Variants in SLFN11 observed in about 807,000 individuals in gnomAD.
SLFN11 encodes schlafen family member 11.
In SLFN11, 43 loss-of-function variants were observed where a neutral mutation model predicts 53.4. That is an observed-to-expected ratio of 0.80 (90% CI 0.63 to 1.04). The LOEUF is 1.04. Among genes scored for constraint, SLFN11 ranks in the 50% least tolerant of loss-of-function variants. SLFN11 has a pLI of 0.00. For missense variants in SLFN11, 990 were observed against 1,079.1 expected, an observed-to-expected ratio of 0.92 and a Z score of 1.16; for synonymous variants, 389 against 394.7, an observed-to-expected ratio of 0.99 and a Z score of 0.17.
rs1386611023 is a variant in SLFN11, at chr17:35,352,320, TA to T, written c.*35del. The T allele has an allele frequency of 6.2e-7, 1 of 1,605,504 alleles. No individual in the cohort carries two copies. Among genetic ancestry groups the T allele is most frequent in the African/African-American group, 1.3e-5 (1 of 74,872 alleles). On this transcript the variant is annotated 3_prime_UTR_variant, in exon 7 of 7. Coordinates refer to ENST00000685675, the MANE Select transcript of SLFN11 (RefSeq NM_001376007.1). Reference sequence around the variant, plus strand: ...TCTACCATCAGCAGACTGTCACCCATAGACATTTACATAGCATTTTGATTTG... The same window carrying T: ...TCTACCATCAGCAGACTGTCACCCATGACATTTACATAGCATTTTGATTTG...
At chr17:35,357,250 C>A (rs1203768211) in intron 5 of SLFN11, among the ~76,000 whole-genome samples, 1 of 150,990 alleles carries the variant, frequency 6.6e-6, no homozygotes, top group Non-Finnish European at 1.5e-5. Context: ...ATACGGGTTG[C>A]AAATATTTTT....
rs954791823 is a variant in SLFN11 at position 35,351,158 on chromosome 17, C to G, written c.*1198G>C. 11 of 152,226 alleles carry G rather than the reference C, an allele frequency of 7.2e-5. No homozygotes were observed. Among genetic ancestry groups the G allele is most frequent in the African/African-American group, 2.4e-4 (10 of 41,450 alleles). The allele number at this position is 152,226 out of a possible 1,614,324, so 9.4% of individuals were successfully genotyped here. A position where few individuals can be genotyped will look rare whatever the true frequency, so the allele number is the denominator to read the frequency against. The stretch of plus-strand genomic sequence containing the variant: ...CGAGAGTTTGATTGTGAGGCTTCTC[C>G]TCTTGGCTTGTAGGTGGCTGCCATC... On this transcript the variant is annotated 3_prime_UTR_variant, in exon 7 of 7. Transcript: ENST00000685675.
At chr17:35,357,122 G>A (rs1035280949) in intron 5 of SLFN11, among the ~76,000 whole-genome samples, 26 of 146,842 alleles carry the variant, frequency 1.8e-4, no homozygotes, top group Non-Finnish European at 2.5e-4. Flanking sequence ...TGGACTATCC[G>A]TGTTGATTTT....
At chr17:35,373,427 C>CA (rs930166501) in intron 1 of SLFN11, 47 bp downstream of exon 1, 2 of 151,888 alleles carry the variant, frequency 1.3e-5, no homozygotes, top group Non-Finnish European at 2.9e-5. Context: ...CCACACCCCA[C>CA]ACCCTGGCTG....
At chr17:35,366,124 G>A (rs34996724) in intron 3 of SLFN11, among the ~76,000 whole-genome samples, 47,777 of 151,960 alleles carry the variant, frequency 0.31, 8,869 homozygotes, top group East Asian at 0.42. Context: ...AAAGGTAGTC[G>A]GGGGAAAGGG....
At chr17:35,369,148 A>G (rs1246051765) in intron 1 of SLFN11, among the ~76,000 whole-genome samples, 2 of 152,052 alleles carry the variant, frequency 1.3e-5, no homozygotes, top group Non-Finnish European at 2.9e-5. Flanking sequence ...CACCGTAGGT[A>G]CCAGCTTAGC....
chr17:35,353,067 G>A lies in SLFN11; in HGVS notation c.1995C>T (p.Ile665=), dbSNP rs776716390. The A allele has an allele frequency of 3.1e-6, 5 of 1,614,158 alleles. No individual in the cohort carries two copies. Among genetic ancestry groups the A allele is most frequent in the Non-Finnish European group, 1.7e-6 (2 of 1,180,042 alleles). ...GGAAATTCTGAGCTTCGTCAATGACGATGTGTTGAATGTGTTCAAAGTTTT... is the reference window on the plus strand; with the variant it reads ...GGAAATTCTGAGCTTCGTCAATGACAATGTGTTGAATGTGTTCAAAGTTTT... ...LRENFEHIQH[I]VIDEAQNFRT... is the part of the protein sequence containing the mutation. Residue 665 remains isoleucine, a synonymous_variant, in exon 7 of 7, where the codon ATC becomes ATT. Coordinates refer to ENST00000685675, the MANE Select transcript of SLFN11 (RefSeq NM_001376007.1).
chr17:35,371,992 A>G (rs558899114), intron 1 of SLFN11, among the ~76,000 whole-genome samples: 8 of 152,164 alleles, frequency 5.3e-5, no homozygotes, highest in Non-Finnish European at 1.0e-4. Flanking sequence ...AAGAAAGGAA[A>G]TCAGTATATC....
chr17:35,358,025 T>A (rs907796784), intron 5 of SLFN11, among the ~76,000 whole-genome samples: 1 of 149,390 alleles, frequency 6.7e-6, no homozygotes, highest in Non-Finnish European at 1.5e-5. Flanking sequence ...ATTTAAATAA[T>A]CTCTTTTTAA....
rs114068739 is a variant in SLFN11, at chr17:35,354,210, G to A, written c.1199-151C>T. Reference sequence around the variant, plus strand: ...AATATTATTATATTATAGTTATAAAGGAAAAGAACCCTTGGAATATCTGGT... The same window carrying A: ...AATATTATTATATTATAGTTATAAAAGAAAAGAACCCTTGGAATATCTGGT... On this transcript the variant is annotated intron_variant, in intron 5 of 6. Coordinates refer to ENST00000685675, the MANE Select transcript of SLFN11 (RefSeq NM_001376007.1). 1,681 of 602,880 alleles carry A rather than the reference G, an allele frequency of 2.8e-3. 33 individuals carry two copies. In the African/African-American group the frequency reaches 0.029, roughly 10 times the overall value. 37.3% of individuals were successfully genotyped at this position (602,880 alleles called of 1,614,324 possible).
rs1906749754 is a variant in SLFN11 at position 35,352,115 on chromosome 17, T to C, written c.*241A>G. 1.7e-6 allele frequency: 1 copy of C among 578,348 alleles called. No individual in the cohort carries two copies. Among genetic ancestry groups the C allele is most frequent in the Non-Finnish European group, 3.1e-6 (1 of 327,214 alleles). 35.8% of individuals were successfully genotyped at this position (578,348 alleles called of 1,614,324 possible). Reference sequence around the variant, plus strand: ...CGGCATTGTGCAGGACAGCTAAAGTTCCTTTAGAAAACCACCATCTTTCTG... The same window carrying C: ...CGGCATTGTGCAGGACAGCTAAAGTCCCTTTAGAAAACCACCATCTTTCTG... On this transcript the variant is annotated 3_prime_UTR_variant, in exon 7 of 7. Coordinates refer to ENST00000685675, the MANE Select transcript of SLFN11 (RefSeq NM_001376007.1).
Position 35,363,783 on chromosome 17 carries a change from C to A in SLFN11, c.25G>T (p.Val9Phe), listed in dbSNP as rs1908589753. 2 of 1,584,548 alleles carry A rather than the reference C, an allele frequency of 1.3e-6. No individual in the cohort carries two copies. Among genetic ancestry groups the A allele is most frequent in the Non-Finnish European group, 1.7e-6 (2 of 1,168,748 alleles). Reference sequence around the variant, plus strand: ...AGGTCTGGGTAAGATGGTTCCACAACCAGGGGGCACTGATTTGCCTCCATG... The same window carrying A: ...AGGTCTGGGTAAGATGGTTCCACAAACAGGGGGCACTGATTTGCCTCCATG... MEANQCPL[V>F]VEPSYPDLVI... The change falls in exon 4 of 7, where the codon GTT (valine) becomes TTT (phenylalanine). Residue 9 changes from valine to phenylalanine, a missense_variant. By Grantham distance (50) the Val-to-Phe change is conservative (BLOSUM62 -1). This residue lies in a region of SLFN11 where 521 missense variants were observed against 516.2 expected (regional missense o/e 1.01). Coordinates refer to ENST00000685675, the MANE Select transcript of SLFN11 (RefSeq NM_001376007.1).
chr17:35,353,009 T>C lies in SLFN11; in HGVS notation c.2053A>G (p.Lys685Glu), dbSNP rs1906939841. The change falls in exon 7 of 7, where the codon AAA becomes GAA. Residue 685 changes from lysine (K) to glutamate (E), a missense_variant. By Grantham distance (56) the Lys-to-Glu change is moderately conservative. Transcript: ENST00000685675. ...CCCTTTGCTCTCCGAGTGATGCTTT[T>C]TGCCTTCCCATACCAGTCCCCATCT... ...TEDGDWYGKA[K>E]SITRRAKGGP... 6.2e-7 allele frequency: 1 copy of C among 1,614,058 alleles called. No homozygotes were observed. The highest frequency in any genetic ancestry group is 1.3e-5 in the African/African-American group (1 of 74,916).
chr17:35,354,749 T>C (rs1182895982), intron 5 of SLFN11, among the ~76,000 whole-genome samples: 2 of 152,158 alleles, frequency 1.3e-5, no homozygotes, highest in Non-Finnish European at 2.9e-5. Flanking sequence ...TGGAGGATTA[T>C]GAACTTATTT....
At position 35,351,107 on chromosome 17, in the gene SLFN11, A is replaced by G. The variant is rs1005669615; in HGVS notation, c.*1249T>C. 12 of 152,238 alleles carry G rather than the reference A, an allele frequency of 7.9e-5. No individual in the cohort carries two copies. Among genetic ancestry groups the G allele is most frequent in the African/African-American group, 2.9e-4 (12 of 41,442 alleles). 9.4% of individuals were successfully genotyped at this position (152,238 alleles called of 1,614,324 possible). On this transcript the variant is annotated 3_prime_UTR_variant, in exon 7 of 7. Transcript: ENST00000685675. ...ACAGTCTGGAGGCTGGAAGTCCAAG[A>G]CAGAGTCCAAGACTCTCGCCAGCAG...
chr17:35,352,131 C>A lies in SLFN11; in HGVS notation c.*225G>T, dbSNP rs1168949731. 5 of 592,188 alleles carry A rather than the reference C, an allele frequency of 8.4e-6. No homozygotes were observed. The East Asian group carries it at 1.4e-4, about 16-fold the overall frequency. 36.7% of individuals were successfully genotyped at this position (592,188 alleles called of 1,614,324 possible). On this transcript the variant is annotated 3_prime_UTR_variant, in exon 7 of 7. Coordinates refer to ENST00000685675, the MANE Select transcript of SLFN11 (RefSeq NM_001376007.1). ...AGCTAAAGTTCCTTTAGAAAACCAC[C>A]ATCTTTCTGGCTGGAAGAGTCAGGG...
Position 35,353,078 on chromosome 17 carries a change from T to C in SLFN11, c.1984A>G (p.Ile662Val), listed in dbSNP as rs763815671. 1.9e-6 allele frequency: 3 copies of C among 1,614,226 alleles called. No homozygotes were observed. Among genetic ancestry groups the C allele is most frequent in the South Asian group, 1.1e-5 (1 of 91,082 alleles). Reference sequence around the variant, plus strand: ...GCTTCGTCAATGACGATGTGTTGAATGTGTTCAAAGTTTTCTCTTAGGAAA... The same window carrying C: ...GCTTCGTCAATGACGATGTGTTGAACGTGTTCAAAGTTTTCTCTTAGGAAA... ...KTFLRENFEHIQHIVIDEAQN... is the reference protein window; with the variant it reads ...KTFLRENFEHVQHIVIDEAQN... The change falls in exon 7 of 7, where the codon ATT becomes GTT. Residue 662 changes from isoleucine to valine, a missense_variant. Physicochemically the swap from Ile to Val is conservative, Grantham distance 29. Around this residue, in one of 3 missense-constraint regions of SLFN11, gnomAD observed 313 missense variants for 320.9 expected, o/e 0.98. Transcript: ENST00000685675.
In SLFN11 at chr17:35,352,914, AG is replaced by A. The variant is rs1906915220; in HGVS notation, c.2147del (p.Pro716LeufsTer15). ...CTCTTGGATATTGGTCTGAGAGAGG[AG>A]GGAGGCCACTGCAATCCAAGTGGCT... ...QTSHLDCSGL[P>X]PLSDQYPREE... On this transcript the variant is annotated frameshift_variant, in exon 7 of 7. Transcript: ENST00000685675. LOFTEE classifies it low-confidence loss of function (END_TRUNC). 2 of 1,614,134 alleles carry A rather than the reference AG, an allele frequency of 1.2e-6. No individual in the cohort carries two copies. The highest frequency in any genetic ancestry group is 2.7e-5 in the African/African-American group (2 of 75,016).
At chr17:35,356,301 A>C (rs145689626) in intron 5 of SLFN11, among the ~76,000 whole-genome samples, 1 of 152,146 alleles carries the variant, frequency 6.6e-6, no homozygotes, top group Admixed American at 6.5e-5. Flanking sequence ...GTTTACCACC[A>C]TTAATGTTCA....
Sources: allele counts gnomAD v4.1 joint callset (sites outside exome capture counted in the v4.1 genomes callset), GRCh38; gene constraint gnomAD v4.1.1; regional missense constraint gnomAD v4.1.1; transcripts MANE v1.5; gene names NCBI Gene and HGNC (gene_info 2026-07-23, HGNC 2026-07-21).